Variants in LPP observed in about 807,000 individuals in gnomAD.
LPP encodes the protein LIM domain containing preferred translocation partner in lipoma.
A neutral mutation model predicts 60.4 loss-of-function variants in LPP; 38 were observed. The observed-to-expected ratio is 0.63, with a 90% CI of 0.49 to 0.83. The LOEUF (loss-of-function observed/expected upper bound fraction) is 0.83, where lower values mean the gene tolerates loss of function less well. Among genes scored for constraint, LPP ranks in the 40% least tolerant of loss-of-function variants. LPP has a pLI of 0.00. For synonymous variants in LPP, 328 were observed against 290.8 expected, an observed-to-expected ratio of 1.13 and a Z score of -1.30; for missense variants, 902 against 783.6, an observed-to-expected ratio of 1.15 and a Z score of -1.80.
chr3:188,319,091 A>C (rs1023337860), intron 2 of LPP, among the ~76,000 whole-genome samples: 2 of 152,166 alleles, frequency 1.3e-5, no homozygotes, highest in Admixed American at 6.5e-5. Flanking sequence ...GATTTTTCTC[A>C]GGTTAGTTTA....
At chr3:188,733,899 A>G (rs189041701) in intron 8 of LPP, among the ~76,000 whole-genome samples, 43 of 152,192 alleles carry the variant, frequency 2.8e-4, no homozygotes, top group African/African-American at 1.0e-3. Context: ...TCTCACTTAT[A>G]CTTTTTAAAA....
chr3:188,239,302 T>C (rs1459205906), intron 2 of LPP, among the ~76,000 whole-genome samples: 2 of 152,236 alleles, frequency 1.3e-5, no homozygotes, highest in Non-Finnish European at 2.9e-5. Flanking sequence ...TATGGCCTTT[T>C]TGCGGATGAA....
chr3:188,402,566 C>T (rs1272119417), intron 3 of LPP, among the ~76,000 whole-genome samples: 1 of 152,170 alleles, frequency 6.6e-6, no homozygotes, highest in African/African-American at 2.4e-5. Context: ...TTCATTACAT[C>T]ACCAAATTAA....
intron 9 of LPP, among the ~76,000 whole-genome samples, chr3:188,779,166 C>A (rs1419285666): frequency 2.0e-5 from 3 of 151,782 alleles, no homozygotes; most frequent in Non-Finnish European, 4.4e-5. Context: ...AATGTTAGTG[C>A]ACTTATAGAA....
chr3:188,479,076 T>A (rs1804025252), intron 4 of LPP, among the ~76,000 whole-genome samples: 1 of 152,132 alleles, frequency 6.6e-6, no homozygotes, highest in South Asian at 2.1e-4. Context: ...TGGAAATGAA[T>A]AACCGTCTTT....
chr3:188,392,730 C>T (rs779191904), intron 3 of LPP, among the ~76,000 whole-genome samples: 91 of 151,886 alleles, frequency 6.0e-4, no homozygotes, highest in Admixed American at 3.1e-3. Flanking sequence ...ACCATCCTGG[C>T]CAGATACTGA....
intron 1 of LPP, among the ~76,000 whole-genome samples, chr3:188,184,465 A>C (rs949203846): frequency 6.6e-6 from 1 of 152,208 alleles, no homozygotes; most frequent in Non-Finnish European, 1.5e-5. Flanking sequence ...CGAAGGATGC[A>C]TTCAATGAAC....
chr3:188,763,404 AACT>A lies in LPP; in HGVS notation c.1410+3123_1410+3125del, dbSNP rs1357537258. ...CTTCTGCCTAAATTGGTTGTTGATC[AACT>A]TAAGATCCTATTAAAATTAAAAATT... On this transcript the variant is annotated intron_variant, in intron 9 of 11. Coordinates refer to ENST00000617246, the MANE Select transcript of LPP (RefSeq NM_001375462.1). 1.3e-5 allele frequency among the ~76,000 whole-genome samples: 2 copies of A among 152,164 alleles called. 1 individual carries two copies. The highest frequency in any genetic ancestry group is 4.8e-5 in the African/African-American group (2 of 41,446).
chr3:188,441,628 T>A (rs1489674801), intron 4 of LPP, among the ~76,000 whole-genome samples: 3 of 115,046 alleles, frequency 2.6e-5, no homozygotes, highest in Admixed American at 2.5e-4. Flanking sequence ...TTTTTTTTTT[T>A]TTTTTTTTTT....
At chr3:188,154,556 G>C (rs1353611078) in intron 1 of LPP, among the ~76,000 whole-genome samples, 1 of 152,210 alleles carries the variant, frequency 6.6e-6, no homozygotes, top group Non-Finnish European at 1.5e-5. Flanking sequence ...CATCCGCTTA[G>C]AGCTTTCGCG....
chr3:188,391,819 G>A (rs995836047), intron 3 of LPP, among the ~76,000 whole-genome samples: 1 of 151,738 alleles, frequency 6.6e-6, no homozygotes, highest in African/African-American at 2.4e-5. Flanking sequence ...GCTGCTTTTT[G>A]ACAGCCACCA....
chr3:188,519,658 G>C (rs1177021279), intron 5 of LPP, among the ~76,000 whole-genome samples: 10 of 152,024 alleles, frequency 6.6e-5, no homozygotes, highest in Admixed American at 6.6e-4. Flanking sequence ...GGTGCATATG[G>C]GGGATGTCGG....
chr3:188,721,152 C>T (rs534195761), intron 8 of LPP, among the ~76,000 whole-genome samples: 1 of 152,210 alleles, frequency 6.6e-6, no homozygotes, highest in South Asian at 2.1e-4. Context: ...TTTTATCCGA[C>T]TTTGTCTTCC....
intron 4 of LPP, among the ~76,000 whole-genome samples, chr3:188,449,338 C>T (rs1796058984): frequency 6.6e-6 from 1 of 152,132 alleles, no homozygotes; most frequent in Non-Finnish European, 1.5e-5. Context: ...CTTCCATTCT[C>T]CCTTCCACCT....
intron 2 of LPP, among the ~76,000 whole-genome samples, chr3:188,300,187 G>A (rs1749300672): frequency 1.3e-5 from 2 of 151,938 alleles, no homozygotes; most frequent in South Asian, 4.1e-4. Context: ...TTTTTAAGAA[G>A]GGTTGTGTGT....
chr3:188,374,105 C>T (rs550326778), intron 3 of LPP, among the ~76,000 whole-genome samples: 1 of 152,306 alleles, frequency 6.6e-6, no homozygotes, highest in South Asian at 2.1e-4. Flanking sequence ...GCTTTGGTTA[C>T]TGTAACCTTG....
chr3:188,408,511 C>A (rs1463891202), intron 4 of LPP, among the ~76,000 whole-genome samples: 1 of 152,200 alleles, frequency 6.6e-6, no homozygotes, highest in Non-Finnish European at 1.5e-5. Context: ...CCACCCCACA[C>A]GTTTTTGTTA....
chr3:188,424,479 T>C (rs1200146049), intron 4 of LPP, among the ~76,000 whole-genome samples: 2 of 152,130 alleles, frequency 1.3e-5, no homozygotes, highest in African/African-American at 4.8e-5. Flanking sequence ...TAGTTTTTTC[T>C]ACTTCTGTGA....
At chr3:188,774,558 A>T (rs1161788069) in intron 9 of LPP, among the ~76,000 whole-genome samples, 3 of 152,130 alleles carry the variant, frequency 2.0e-5, no homozygotes, top group Non-Finnish European at 2.9e-5. Flanking sequence ...TACATTTTTT[A>T]AAAAATGAAT....
Sources: gnomAD v4.1 joint callset for allele counts (sites outside exome capture counted in the v4.1 genomes callset) on GRCh38, gnomAD v4.1.1 for gene constraint, MANE v1.5 for transcripts, NCBI Gene and HGNC (gene_info 2026-07-23, HGNC 2026-07-21) for gene names.